The following NCAM2 variants were observed in gnomAD, a reference collection of about 807,000 sequenced individuals.
The protein encoded by NCAM2 is N-CAM-2.
A neutral mutation model predicts 98.1 loss-of-function variants in NCAM2; 30 were observed. The ratio of observed to expected loss-of-function variants is 0.31; its 90% confidence interval spans 0.23 to 0.41. The LOEUF is 0.41. Among genes scored for constraint, NCAM2 ranks in the 10% least tolerant of loss-of-function variants. NCAM2 has a pLI of 1.00. For synonymous variants in NCAM2, 368 were observed against 342.4 expected (o/e 1.07, Z -0.83); for missense variants, 867 against 1,005.8 (o/e 0.86, Z 1.87).
chr21:21,324,981 T>A (rs376745338), intron 6 of NCAM2, among the ~76,000 whole-genome samples: 21 of 98,652 alleles, frequency 2.1e-4, no homozygotes, highest in Non-Finnish European at 4.2e-4. Flanking sequence ...GTGTAATTTT[T>A]AAAAATTACC....
chr21:21,249,243 A>T (rs1030376178), intron 1 of NCAM2, among the ~76,000 whole-genome samples: 3 of 152,172 alleles, frequency 2.0e-5, no homozygotes, highest in African/African-American at 7.2e-5. Context: ...ATGGAAAATG[A>T]TTAGAGTGAT....
chr21:21,054,449 C>T lies in NCAM2; in HGVS notation c.55+55831C>T, dbSNP rs575746333. The stretch of plus-strand genomic sequence containing the variant: ...CTGTGATTTAGTACATGAAGATATA[C>T]TCCTTACATACTCAAATACTAGCTC... On this transcript the variant is annotated intron_variant, in intron 1 of 17. Transcript: ENST00000400546. 2.6e-5 allele frequency among the ~76,000 whole-genome samples: 4 copies of T among 152,070 alleles called. No individual in the cohort carries two copies. In the South Asian group the frequency reaches 8.3e-4, roughly 32 times the overall value.
intron 8 of NCAM2, among the ~76,000 whole-genome samples, chr21:21,371,522 C>T (rs1218783321): frequency 6.6e-6 from 1 of 151,742 alleles, no homozygotes; most frequent in Admixed American, 6.6e-5. Flanking sequence ...AACCACATGA[C>T]CCCACTGTCT....
chr21:21,122,838 G>A (rs1204304385), intron 1 of NCAM2, among the ~76,000 whole-genome samples: 3 of 152,188 alleles, frequency 2.0e-5, no homozygotes, highest in Non-Finnish European at 2.9e-5. Flanking sequence ...CCAGAGTTCA[G>A]AGAGAAATAA....
chr21:21,061,366 A>T (rs1303020422), intron 1 of NCAM2, among the ~76,000 whole-genome samples: 2 of 152,176 alleles, frequency 1.3e-5, no homozygotes, highest in African/African-American at 4.8e-5. Flanking sequence ...TTCTGTCATC[A>T]GGTGGTATGC....
intron 16 of NCAM2, among the ~76,000 whole-genome samples, chr21:21,525,945 T>C (rs956917596): frequency 1.3e-5 from 2 of 152,036 alleles, no homozygotes; most frequent in African/African-American, 2.4e-5. Flanking sequence ...TCACAAAATT[T>C]GATACCCATT....
At chr21:21,153,864 G>T (rs563496242) in intron 1 of NCAM2, among the ~76,000 whole-genome samples, 1 of 151,744 alleles carries the variant, frequency 6.6e-6, no homozygotes, top group African/African-American at 2.4e-5. Flanking sequence ...GACTTAATTG[G>T]GCAGCTTTTA....
intron 12 of NCAM2, among the ~76,000 whole-genome samples, chr21:21,446,060 G>GAA (rs1218043137): frequency 6.6e-6 from 1 of 152,074 alleles, no homozygotes; most frequent in Non-Finnish European, 1.5e-5. Context: ...TTGCTTATCT[G>GAA]AAAATGATTT....
chr21:21,385,647 T>C, intron 9 of NCAM2: 1 of 1,287,602 alleles, frequency 7.8e-7, no homozygotes, highest in Middle Eastern at 2.1e-4. Context: ...TTTTCAACAT[T>C]TCCGAGGCGT....
intron 1 of NCAM2, among the ~76,000 whole-genome samples, chr21:21,102,328 T>C (rs2066259872): frequency 6.6e-6 from 1 of 152,116 alleles, no homozygotes; most frequent in Admixed American, 6.6e-5. Flanking sequence ...GATTTTTACT[T>C]ATATTTTTTA....
At chr21:21,404,558 A>C (rs2076697891) in intron 9 of NCAM2, among the ~76,000 whole-genome samples, 1 of 152,210 alleles carries the variant, frequency 6.6e-6, no homozygotes, top group Non-Finnish European at 1.5e-5. Context: ...TTTTCTTCAT[A>C]AATTACCCAG....
chr21:21,266,127 A>C (rs919708847), intron 1 of NCAM2, among the ~76,000 whole-genome samples: 1 of 152,144 alleles, frequency 6.6e-6, no homozygotes, highest in South Asian at 2.1e-4. Context: ...TTTTAAAAAA[A>C]TGGTTTGATT....
intron 12 of NCAM2, among the ~76,000 whole-genome samples, chr21:21,435,163 A>G (rs2077440879): frequency 6.6e-6 from 1 of 152,164 alleles, no homozygotes; most frequent in African/African-American, 2.4e-5. Context: ...ACATTATGCA[A>G]TTTCCACTTG....
At chr21:21,413,334 T>C (rs9976353) in intron 10 of NCAM2, among the ~76,000 whole-genome samples, 8,755 of 152,212 alleles carry the variant, frequency 0.058, 297 homozygotes, top group East Asian at 0.12. Context: ...ATGGAATACA[T>C]AGAAGAAATA....
At chr21:21,485,061 A>G (rs1168837535) in intron 15 of NCAM2, among the ~76,000 whole-genome samples, 2 of 152,040 alleles carry the variant, frequency 1.3e-5, no homozygotes, top group African/African-American at 4.8e-5. Context: ...AACATTTCTA[A>G]TATTTCAATG....
chr21:21,135,059 C>T (rs1302242740), intron 1 of NCAM2, among the ~76,000 whole-genome samples: 1 of 142,484 alleles, frequency 7.0e-6, no homozygotes, highest in Non-Finnish European at 1.5e-5. Context: ...CACGGTGAAA[C>T]CCCGTCTCTA....
At chr21:21,460,111 A>G (rs967839318) in intron 12 of NCAM2, among the ~76,000 whole-genome samples, 1 of 151,928 alleles carries the variant, frequency 6.6e-6, no homozygotes, top group Non-Finnish European at 1.5e-5. Context: ...CTGGGAGAAA[A>G]GCATATACAG....
At chr21:21,381,477 A>G (rs2076152837) in intron 9 of NCAM2, among the ~76,000 whole-genome samples, 1 of 151,764 alleles carries the variant, frequency 6.6e-6, no homozygotes, top group Non-Finnish European at 1.5e-5. Flanking sequence ...TTTAATTTAT[A>G]TATTGGCAAT....
intron 1 of NCAM2, among the ~76,000 whole-genome samples, chr21:21,244,674 CT>C (rs1245272004): frequency 1.3e-5 from 2 of 151,738 alleles, no homozygotes; most frequent in African/African-American, 4.8e-5. Flanking sequence ...TGATGAAACC[CT>C]GTCTCTACTA....
Sources: allele counts gnomAD v4.1 joint callset (sites outside exome capture counted in the v4.1 genomes callset), GRCh38; gene constraint gnomAD v4.1.1; transcripts MANE v1.5; gene names NCBI Gene and HGNC (gene_info 2026-07-23, HGNC 2026-07-21).